Variants in GREM2 observed in about 807,000 individuals in gnomAD.
GREM2 encodes the protein gremlin 2, DAN family BMP antagonist, also known as gremlin-2.
Under a neutral mutation model 14.2 loss-of-function variants are expected in GREM2, and 11 were observed. The observed-to-expected ratio is 0.78, with a 90% CI of 0.49 to 1.28. The LOEUF is 1.28. Ranked by LOEUF, GREM2 falls within the 50% of genes most tolerant of loss-of-function variation. The pLI, the probability that GREM2 is intolerant of heterozygous loss-of-function variation, is 0.00. For missense variants in GREM2, 210 were observed against 218.5 expected, an observed-to-expected ratio of 0.96 and a Z score of 0.24; for synonymous variants, 98 against 97.6, an observed-to-expected ratio of 1.00 and a Z score of -0.02.
chr1:240,544,785 C>T (rs984168350), intron 1 of GREM2, among the ~76,000 whole-genome samples: 3 of 152,110 alleles, frequency 2.0e-5, no homozygotes, highest in Admixed American at 1.3e-4. Flanking sequence ...ATCTACAAAG[C>T]CAATGTTGTT....
intron 1 of GREM2, among the ~76,000 whole-genome samples, chr1:240,548,600 A>G (rs546510173): frequency 4.6e-5 from 7 of 152,306 alleles, no homozygotes; most frequent in Admixed American, 3.9e-4. Flanking sequence ...CCAGTTTAAG[A>G]TGTTGACAGT....
chr1:240,512,699 TAA>T (rs984216489), intron 1 of GREM2, among the ~76,000 whole-genome samples: 2 of 152,244 alleles, frequency 1.3e-5, no homozygotes, highest in Non-Finnish European at 2.9e-5. Context: ...TGCTGTATTT[TAA>T]AAAGTTTCCA....
chr1:240,563,040 ATGTG>A (rs1245322605), intron 1 of GREM2, among the ~76,000 whole-genome samples: 8 of 133,990 alleles, frequency 6.0e-5, no homozygotes, highest in Middle Eastern at 4.6e-3. Flanking sequence ...ATGAGTGTGT[ATGTG>A]TGTATGTGTA....
chr1:240,608,813 A>AG (rs1292727323), intron 1 of GREM2, among the ~76,000 whole-genome samples: 1 of 152,164 alleles, frequency 6.6e-6, no homozygotes, highest in East Asian at 1.9e-4. Flanking sequence ...GGCTCTCCAA[A>AG]GGGAAGAGGG....
chr1:240,498,698 T>A (rs2103274570), intron 1 of GREM2, among the ~76,000 whole-genome samples: 1 of 152,296 alleles, frequency 6.6e-6, no homozygotes, highest in South Asian at 2.1e-4. Context: ...TGAACCACTT[T>A]GCTAATCAGA....
intron 1 of GREM2, among the ~76,000 whole-genome samples, chr1:240,591,587 C>T (rs1226764865): frequency 6.6e-6 from 1 of 152,150 alleles, no homozygotes; most frequent in Non-Finnish European, 1.5e-5. Flanking sequence ...ACATCTCCCA[C>T]CTTCAACTTT....
At chr1:240,588,863 G>A (rs1679650888) in intron 1 of GREM2, 1 of 152,116 alleles carries the variant, frequency 6.6e-6, no homozygotes, top group African/African-American at 2.4e-5. Context: ...TACAACCCCA[G>A]AACTTTGGGT....
At chr1:240,504,846 T>C (rs1293378007) in intron 1 of GREM2, among the ~76,000 whole-genome samples, 1 of 152,176 alleles carries the variant, frequency 6.6e-6, no homozygotes, top group East Asian at 1.9e-4. Context: ...ATCAAGACAT[T>C]GCTGTTAAGA....
At chr1:240,535,239 T>C (rs1050954523) in intron 1 of GREM2, among the ~76,000 whole-genome samples, 2 of 152,196 alleles carry the variant, frequency 1.3e-5, no homozygotes, top group Non-Finnish European at 2.9e-5. Context: ...TGAGTTGATA[T>C]GAACACTTCC....
chr1:240,563,033 AGTGTGTATGT>A (rs1558164199), intron 1 of GREM2, among the ~76,000 whole-genome samples: 1 of 138,292 alleles, frequency 7.2e-6, no homozygotes, highest in East Asian at 2.2e-4. Context: ...TGTGTATATG[AGTGTGTATGT>A]GTGTATGTGT....
intron 1 of GREM2, among the ~76,000 whole-genome samples, chr1:240,533,122 G>A (rs1678400880): frequency 6.6e-6 from 1 of 152,224 alleles, no homozygotes; most frequent in Admixed American, 6.5e-5. Context: ...TCAGCATTAT[G>A]AGATGTATGA....
Position 240,538,661 on chromosome 1 carries a change from T to C in GREM2, c.-1-45185A>G, listed in dbSNP as rs181744334. Among the ~76,000 whole-genome samples, 20 of 152,188 alleles carry C rather than the reference T, an allele frequency of 1.3e-4. No homozygotes were observed. The East Asian group carries it at 2.3e-3, about 18-fold the overall frequency. On this transcript the variant is annotated intron_variant, in intron 1 of 1. Transcript: ENST00000318160. ...TGAGTTCAGGAGGCGGAGGTTGCAG[T>C]GAGCCAAGATCGTGCCACTCACTAC...
chr1:240,600,861 TCTC>T (rs781248725), intron 1 of GREM2, among the ~76,000 whole-genome samples: 51 of 152,324 alleles, frequency 3.3e-4, no homozygotes, highest in African/African-American at 1.1e-3. Flanking sequence ...CGTCTTTTGA[TCTC>T]CTGCTATTTC....
At chr1:240,512,369 A>G (rs918776260) in intron 1 of GREM2, among the ~76,000 whole-genome samples, 2 of 152,178 alleles carry the variant, frequency 1.3e-5, no homozygotes, top group African/African-American at 4.8e-5. Flanking sequence ...TTTTAAAAAT[A>G]AAAAGTGACT....
chr1:240,500,424 G>T (rs917133337), intron 1 of GREM2, among the ~76,000 whole-genome samples: 1 of 151,644 alleles, frequency 6.6e-6, no homozygotes, highest in African/African-American at 2.4e-5. Context: ...TCAGCCTCCC[G>T]AGTAACTGGG....
intron 1 of GREM2, among the ~76,000 whole-genome samples, chr1:240,509,771 G>T (rs1292796053): frequency 6.6e-6 from 1 of 152,190 alleles, no homozygotes; most frequent in Non-Finnish European, 1.5e-5. Context: ...TTAAGAAGCG[G>T]AAGAGAATCT....
At chr1:240,493,565 G>A (rs1677323552) in intron 1 of GREM2, 89 bp from the exon 2 acceptor site, 16 of 1,404,392 alleles carry the variant, frequency 1.1e-5, no homozygotes, top group South Asian at 1.5e-5. Flanking sequence ...TTTAGACATG[G>A]TCTGGCTCTG....
At chr1:240,576,460 A>G (rs1351702678) in intron 1 of GREM2, among the ~76,000 whole-genome samples, 3 of 152,146 alleles carry the variant, frequency 2.0e-5, no homozygotes, top group East Asian at 3.9e-4. Flanking sequence ...TCAGATTTCA[A>G]TCAAGCCACA....
intron 1 of GREM2, among the ~76,000 whole-genome samples, chr1:240,557,051 T>A (rs1678962762): frequency 6.6e-6 from 1 of 151,678 alleles, no homozygotes; most frequent in Non-Finnish European, 1.5e-5. Flanking sequence ...GCCCCTGTAG[T>A]CACAGCTACT....
Sources: gnomAD v4.1 joint callset for allele counts (sites outside exome capture counted in the v4.1 genomes callset) on GRCh38, gnomAD v4.1.1 for gene constraint, MANE v1.5 for transcripts, NCBI Gene and HGNC (gene_info 2026-07-23, HGNC 2026-07-21) for gene names.